TMC5: variants seen among roughly 807,000 people sequenced by gnomAD.
TMC5 encodes transmembrane channel-like protein 5.
Under a neutral mutation model 110.5 loss-of-function variants are expected in TMC5, and 86 were observed. That is an observed-to-expected ratio of 0.78 (90% CI 0.65 to 0.93). The LOEUF (loss-of-function observed/expected upper bound fraction) is 0.93. Ranked by LOEUF, TMC5 falls within the 40% of genes least tolerant of loss-of-function variation. TMC5 has a pLI of 0.00. For missense variants in TMC5, 1,144 were observed against 1,222.8 expected (o/e 0.94, Z 0.96); for synonymous variants, 455 against 439.5 (o/e 1.04, Z -0.44).
At chr16:19,433,197 G>C (rs1967230552) in intron 2 of TMC5, among the ~76,000 whole-genome samples, 1 of 152,166 alleles carries the variant, frequency 6.6e-6, no homozygotes. Context: ...TTTGTTTCTT[G>C]CTCATGAAAA....
At chr16:19,461,525 G>T (rs181846925) in intron 6 of TMC5, among the ~76,000 whole-genome samples, 3 of 151,802 alleles carry the variant, frequency 2.0e-5, no homozygotes, top group African/African-American at 7.3e-5. Context: ...AGTGAGCCAA[G>T]ATCACACCAC....
chr16:19,429,985 C>T (rs1339962775), intron 1 of TMC5, among the ~76,000 whole-genome samples: 2 of 151,920 alleles, frequency 1.3e-5, no homozygotes, highest in Admixed American at 1.3e-4. Flanking sequence ...TGAAGTACTG[C>T]GGACTGGGAC....
chr16:19,456,735 T>C (rs1191566262), intron 5 of TMC5: 2 of 1,611,206 alleles, frequency 1.2e-6, no homozygotes, highest in Admixed American at 1.7e-5. Context: ...GTGAATGAAA[T>C]CATCATACAG....
chr16:19,416,202 A>G (rs1045407848), upstream of TMC5, among the ~76,000 whole-genome samples: 1 of 152,030 alleles, frequency 6.6e-6, no homozygotes, highest in African/African-American at 2.4e-5. Flanking sequence ...AAAAAAAAAA[A>G]AAGAGGAACG....
chr16:19,431,617 T>C (rs1181395901), intron 2 of TMC5, among the ~76,000 whole-genome samples: 1 of 151,818 alleles, frequency 6.6e-6, no homozygotes, highest in East Asian at 1.9e-4. Flanking sequence ...TTGTTTTGCC[T>C]CTCTCGGGGC....
At chr16:19,490,947 C>G (rs1968885244) in intron 18 of TMC5, among the ~76,000 whole-genome samples, 1 of 72,592 alleles carries the variant, frequency 1.4e-5, no homozygotes, top group Non-Finnish European at 3.3e-5. Context: ...CCCTTCCCTT[C>G]CTTTCCCCTT....
chr16:19,431,948 G>GT lies in TMC5; in HGVS notation c.-80+1314dup, dbSNP rs569942493. 2.0e-4 allele frequency among the ~76,000 whole-genome samples: 30 copies of GT among 152,254 alleles called. No individual in the cohort carries two copies. In the South Asian group the frequency reaches 6.2e-3, roughly 32 times the overall value. ...TTGATGAATTTTTGAATTGCTCCCA[G>GT]TTTTTTGTCATTATACACAAAGCTT... On this transcript the variant is annotated intron_variant, in intron 2 of 21. Coordinates refer to ENST00000542583, the MANE Select transcript of TMC5 (RefSeq NM_001261841.2).
intron 1 of TMC5, among the ~76,000 whole-genome samples, chr16:19,426,867 G>A (rs966778277): frequency 3.9e-5 from 6 of 151,932 alleles, no homozygotes; most frequent in East Asian, 1.9e-4. Context: ...AAACTTTGGC[G>A]CATAAAGGAA....
intron 20 of TMC5, 37 bp downstream of exon 20, chr16:19,494,403 C>G: frequency 6.6e-7 from 1 of 1,508,736 alleles, no homozygotes. Flanking sequence ...CCCTGGGACA[C>G]GAGCTTGCCT....
rs1337476716 is a variant in TMC5 at position 19,495,189 on chromosome 16, T to C, written c.2931+823T>C. 8.4e-5 allele frequency among the ~76,000 whole-genome samples: 6 copies of C among 71,162 alleles called. 2 individuals are homozygous for C. The highest frequency in any genetic ancestry group is 2.3e-4 in the African/African-American group (6 of 26,480). The allele number at this position is 71,162 out of a possible 152,430, so 46.7% of individuals were successfully genotyped here. On this transcript the variant is annotated intron_variant, in intron 20 of 21. Coordinates refer to ENST00000542583, the MANE Select transcript of TMC5 (RefSeq NM_001261841.2). Reference sequence around the variant, plus strand: ...GCCACTACGCCCGGCTAATTTTTTGTATTTTTAGTAGAGACGGGGTTTCAC... The same window carrying C: ...GCCACTACGCCCGGCTAATTTTTTGCATTTTTAGTAGAGACGGGGTTTCAC...
intron 20 of TMC5, among the ~76,000 whole-genome samples, chr16:19,495,789 T>TG (rs1969037119): frequency 1.3e-5 from 2 of 151,876 alleles, no homozygotes; most frequent in Non-Finnish European, 2.9e-5. Flanking sequence ...CAGTGAGCTA[T>TG]GATCCCATCA....
At chr16:19,461,757 G>A (rs1226359341) in intron 6 of TMC5, among the ~76,000 whole-genome samples, 1 of 151,602 alleles carries the variant, frequency 6.6e-6, no homozygotes, top group Non-Finnish European at 1.5e-5. Context: ...GTAGTAGAGT[G>A]GATGCAACAA....
chr16:19,457,813 TC>T lies in TMC5; in HGVS notation c.1049-2419del, dbSNP rs1212909748. Among the ~76,000 whole-genome samples, 5 of 141,438 alleles carry T rather than the reference TC, an allele frequency of 3.5e-5. No individual in the cohort carries two copies. In the East Asian group the frequency reaches 1.2e-3, roughly 34 times the overall value. The allele number at this position is 141,438 out of a possible 152,430, so 92.8% of individuals were successfully genotyped here. On this transcript the variant is annotated intron_variant, in intron 5 of 21. Transcript: ENST00000542583. ...ATCTTGGCTCACTGCAACCTCTGCT[TC>T]CCAGGTTTAAGTGATTCTCATGCCT...
In TMC5 at chr16:19,469,817, G is replaced by A. The variant is rs1968283454; in HGVS notation, c.1774G>A (p.Glu592Lys). The change falls in exon 10 of 22, where the codon GAG becomes AAG. Residue 592 changes from glutamate (E) to lysine (K), a missense_variant. Transcript: ENST00000542583. ...GCTAAAACAGAAGAATCTTAGCACTGAGATAAGGGTAAGGCGAGCTCACTT... is the reference window on the plus strand; with the variant it reads ...GCTAAAACAGAAGAATCTTAGCACTAAGATAAGGGTAAGGCGAGCTCACTT... ...VKLKQKNLST[E>K]IRENLSELRQ... 6.2e-7 allele frequency: 1 copy of A among 1,613,970 alleles called. No homozygotes were observed. Among genetic ancestry groups the A allele is most frequent in the East Asian group, 2.2e-5 (1 of 44,884 alleles).
At chr16:19,489,938 G>T (rs1968845546) in intron 17 of TMC5, among the ~76,000 whole-genome samples, 1 of 151,720 alleles carries the variant, frequency 6.6e-6, no homozygotes, top group Non-Finnish European at 1.5e-5. Flanking sequence ...ACAGGCATGT[G>T]CTGCCATGCC....
chr16:19,459,692 G>T (rs749250705), intron 5 of TMC5, among the ~76,000 whole-genome samples: 6 of 152,054 alleles, frequency 3.9e-5, no homozygotes, highest in Non-Finnish European at 2.9e-5. Context: ...TGAGGTGGGA[G>T]GATCGCTTGA....
intron 11 of TMC5, 50 bp from the exon 12 acceptor site, chr16:19,474,075 G>C (rs1379532680): frequency 1.3e-6 from 2 of 1,576,932 alleles, no homozygotes; most frequent in African/African-American, 2.7e-5. Flanking sequence ...GAAGCAGAAA[G>C]GGGTACAGTG....
chr16:19,426,557 G>C (rs2143385273), intron 1 of TMC5, among the ~76,000 whole-genome samples: 1 of 152,244 alleles, frequency 6.6e-6, no homozygotes, highest in East Asian at 1.9e-4. Context: ...GTGGGTGCAA[G>C]AGCCAGGATG....
At chr16:19,459,913 G>C (rs774106441) in intron 5 of TMC5, among the ~76,000 whole-genome samples, 17 of 59,562 alleles carry the variant, frequency 2.9e-4, no homozygotes, top group Non-Finnish European at 5.1e-4. Context: ...GCAAGATCCT[G>C]TCTCAAAAAA....
Sources: gnomAD v4.1 joint callset for allele counts (sites outside exome capture counted in the v4.1 genomes callset) on GRCh38, gnomAD v4.1.1 for gene constraint, MANE v1.5 for transcripts, NCBI Gene and HGNC (gene_info 2026-07-23, HGNC 2026-07-21) for gene names.